BMPER: variants seen among roughly 807,000 people sequenced by gnomAD.
BMPER encodes the protein BMP binding endothelial regulator.
BMPER carries 45 observed loss-of-function variants against 87.3 expected under a neutral mutation model. The observed-to-expected ratio is 0.52, with a 90% CI of 0.41 to 0.66. The LOEUF is 0.66. Among genes scored for constraint, BMPER ranks in the 30% least tolerant of loss-of-function variants. The probability of loss-of-function intolerance (pLI) is 0.00; values close to 1 mark genes in which losing one functional copy is unlikely to be tolerated. For synonymous variants in BMPER, 326 were observed against 316.2 expected (o/e 1.03, Z -0.33); for missense variants, 784 against 867.5 (o/e 0.90, Z 1.21).
intron 11 of BMPER, among the ~76,000 whole-genome samples, chr7:34,078,143 A>C (rs1788913530): frequency 6.6e-6 from 1 of 152,234 alleles, no homozygotes; most frequent in Non-Finnish European, 1.5e-5. Context: ...ATGATATTTC[A>C]GAATGATGAC....
At chr7:33,969,883 A>T (rs1445054390) in intron 4 of BMPER, among the ~76,000 whole-genome samples, 4 of 152,168 alleles carry the variant, frequency 2.6e-5, no homozygotes, top group Non-Finnish European at 5.9e-5. Flanking sequence ...GTTGGTAAGG[A>T]TTTAGGATCT....
intron 11 of BMPER, among the ~76,000 whole-genome samples, chr7:34,072,165 T>A (rs1039502251): frequency 6.6e-6 from 1 of 152,158 alleles, no homozygotes; most frequent in South Asian, 2.1e-4. Flanking sequence ...TGAAAGGGGA[T>A]AGTGAGGATG....
At chr7:34,087,142 T>G (rs1247329504) in intron 13 of BMPER, among the ~76,000 whole-genome samples, 6 of 152,216 alleles carry the variant, frequency 3.9e-5, no homozygotes, top group Admixed American at 3.9e-4. Context: ...AGACTGTCCC[T>G]GTCATCACAA....
intron 6 of BMPER, among the ~76,000 whole-genome samples, chr7:33,989,372 A>G (rs1225074337): frequency 2.0e-5 from 3 of 151,732 alleles, no homozygotes; most frequent in Non-Finnish European, 4.4e-5. Flanking sequence ...GCCAGTGATG[A>G]TGAGCTTTTT....
At chr7:34,145,978 A>G (rs920730570) in intron 14 of BMPER, among the ~76,000 whole-genome samples, 4 of 152,128 alleles carry the variant, frequency 2.6e-5, no homozygotes, top group African/African-American at 9.7e-5. Flanking sequence ...GTATAACTCC[A>G]TCAAATGAAG....
chr7:34,132,696 C>T (rs1790625561), intron 13 of BMPER, among the ~76,000 whole-genome samples: 1 of 152,116 alleles, frequency 6.6e-6, no homozygotes, highest in Admixed American at 6.5e-5. Flanking sequence ...TTTTAAAATA[C>T]ATATACTACC....
At chr7:34,134,660 G>A (rs945035807) in intron 13 of BMPER, among the ~76,000 whole-genome samples, 57 of 152,088 alleles carry the variant, frequency 3.7e-4, no homozygotes, top group African/African-American at 1.3e-3. Context: ...TGGCCCCTGG[G>A]TATAGAGAAA....
intron 13 of BMPER, among the ~76,000 whole-genome samples, chr7:34,126,370 G>A (rs1229536671): frequency 6.6e-6 from 1 of 152,208 alleles, no homozygotes; most frequent in Non-Finnish European, 1.5e-5. Flanking sequence ...CTAGGGCTTA[G>A]TTAGATTGTA....
intron 4 of BMPER, among the ~76,000 whole-genome samples, chr7:33,967,169 A>G (rs1344494122): frequency 6.6e-6 from 1 of 152,188 alleles, no homozygotes; most frequent in Non-Finnish European, 1.5e-5. Context: ...CAGAAATGAA[A>G]AGCCTAAATT....
intron 12 of BMPER, among the ~76,000 whole-genome samples, chr7:34,084,462 T>C (rs1789144865): frequency 6.6e-6 from 1 of 152,150 alleles, no homozygotes; most frequent in African/African-American, 2.4e-5. Flanking sequence ...TGTTTCTTGG[T>C]GTCCATGCCA....
intron 3 of BMPER, among the ~76,000 whole-genome samples, chr7:33,966,198 T>C (rs937417058): frequency 6.6e-6 from 1 of 152,180 alleles, no homozygotes; most frequent in African/African-American, 2.4e-5. Flanking sequence ...AGTCACGAGG[T>C]TATACATTTT....
rs943790408 is a variant in BMPER, at chr7:34,147,627, C to T, written c.1876+4267C>T. 3.9e-5 allele frequency among the ~76,000 whole-genome samples: 6 copies of T among 152,072 alleles called. No individual in the cohort carries two copies. The East Asian group carries it at 5.8e-4, about 15-fold the overall frequency. On this transcript the variant is annotated intron_variant, in intron 14 of 14. Transcript: ENST00000649409. ...CTGGGATTACAGGCATGTGCCACCA[C>T]GCTTGGCTAATTTTGTATTTTTAGT...
intron 6 of BMPER, among the ~76,000 whole-genome samples, chr7:33,979,436 T>A (rs1007339076): frequency 6.6e-6 from 1 of 151,958 alleles, no homozygotes; most frequent in African/African-American, 2.4e-5. Flanking sequence ...TCTCGTTTGC[T>A]ATAGCTTCCC....
chr7:34,069,175 G>A (rs911700347), intron 11 of BMPER, among the ~76,000 whole-genome samples: 1 of 152,070 alleles, frequency 6.6e-6, no homozygotes, highest in African/African-American at 2.4e-5. Context: ...TATGTGTGAC[G>A]GAAACTCCTT....
Position 34,086,063 on chromosome 7 carries a change from C to G in BMPER, c.1716C>G (p.His572Gln). The G allele has an allele frequency of 6.2e-7, 1 of 1,613,996 alleles. No homozygotes were observed. Among genetic ancestry groups the G allele is most frequent in the Non-Finnish European group, 8.5e-7 (1 of 1,180,036 alleles). ...AATCCTGGGAGTTTCAGACCTGCCACTCGACTGTGGACTACGCCACTTTCT... is the reference window on the plus strand; with the variant it reads ...AATCCTGGGAGTTTCAGACCTGCCAGTCGACTGTGGACTACGCCACTTTCT... ...KLKSWEFQTC[H>Q]STVDYATFYR... The change falls in exon 13 of 15, where the codon CAC becomes CAG. Residue 572 changes from histidine (H) to glutamine (Q), a missense_variant. His to Gln is a conservative substitution (Grantham distance 24, BLOSUM62 0). Coordinates refer to ENST00000649409, the MANE Select transcript of BMPER (RefSeq NM_001365308.1).
chr7:34,146,420 G>A (rs1304192420), intron 14 of BMPER, among the ~76,000 whole-genome samples: 1 of 152,044 alleles, frequency 6.6e-6, no homozygotes, highest in African/African-American at 2.4e-5. Context: ...ATGGCACAAA[G>A]GACTAATGGA....
At chr7:33,905,844 C>A in intron 1 of BMPER, 98 bp downstream of exon 1, 1 of 1,379,688 alleles carries the variant, frequency 7.2e-7, no homozygotes, top group East Asian at 2.5e-5. Flanking sequence ...GGGTGGGGAG[C>A]GCGCACCTTG....
At chr7:33,964,565 A>G (rs1785356789) in intron 3 of BMPER, among the ~76,000 whole-genome samples, 1 of 152,198 alleles carries the variant, frequency 6.6e-6, no homozygotes, top group East Asian at 1.9e-4. Flanking sequence ...GAAGCAGAAA[A>G]CACTGTTGGG....
At chr7:33,913,719 A>C (rs1283214682) in intron 2 of BMPER, among the ~76,000 whole-genome samples, 1 of 152,206 alleles carries the variant, frequency 6.6e-6, no homozygotes, top group Non-Finnish European at 1.5e-5. Context: ...CAGTAATTAC[A>C]GTGGAGTGAT....
Sources: gnomAD v4.1 joint callset for allele counts (sites outside exome capture counted in the v4.1 genomes callset) on GRCh38, gnomAD v4.1.1 for gene constraint, MANE v1.5 for transcripts, NCBI Gene and HGNC (gene_info 2026-07-23, HGNC 2026-07-21) for gene names.